RSRC1: variants seen among roughly 807,000 people sequenced by gnomAD.
The protein encoded by RSRC1 is arginine and serine rich coiled-coil 1, also known as serine/Arginine-related protein 53.
In RSRC1, 39 loss-of-function variants were observed where a neutral mutation model predicts 49.1. The observed-to-expected ratio is 0.79, with a 90% confidence interval of 0.61 to 1.04. The LOEUF (loss-of-function observed/expected upper bound fraction) is 1.04, where lower values mean the gene tolerates loss of function less well. RSRC1 is among the 50% of genes least tolerant of loss of function. The pLI, the probability that RSRC1 is intolerant of heterozygous loss-of-function variation, is 0.00. For synonymous variants in RSRC1, 143 were observed against 130.8 expected (o/e 1.09, Z -0.63); for missense variants, 388 against 402.4 (o/e 0.96, Z 0.31).
chr3:158,178,096 AT>A (rs1447594830), intron 3 of RSRC1, among the ~76,000 whole-genome samples: 1 of 151,620 alleles, frequency 6.6e-6, no homozygotes, highest in Non-Finnish European at 1.5e-5. Context: ...TTCTGTTTTC[AT>A]TCCTGTTGTT....
chr3:158,361,672 A>G (rs1199280344), intron 6 of RSRC1, among the ~76,000 whole-genome samples: 1 of 152,212 alleles, frequency 6.6e-6, no homozygotes, highest in Non-Finnish European at 1.5e-5. Context: ...CTAAAGTTCT[A>G]TATGGTAGAT....
intron 5 of RSRC1, among the ~76,000 whole-genome samples, chr3:158,307,107 C>G (rs1201415202): frequency 6.6e-6 from 1 of 150,796 alleles, no homozygotes; most frequent in Non-Finnish European, 1.5e-5. Flanking sequence ...GGTGACTTCT[C>G]TTCTATGATC....
intron 7 of RSRC1, among the ~76,000 whole-genome samples, chr3:158,524,849 A>G (rs1711910983): frequency 1.3e-5 from 2 of 152,014 alleles, no homozygotes; most frequent in Admixed American, 6.6e-5. Context: ...TTACTGAGGA[A>G]AAGAAACATT....
intron 6 of RSRC1, among the ~76,000 whole-genome samples, chr3:158,358,169 T>C (rs1731262587): frequency 6.6e-6 from 1 of 152,118 alleles, no homozygotes; most frequent in South Asian, 2.1e-4. Context: ...TAAATTTGAG[T>C]CTGAGATTTT....
chr3:158,479,516 C>G (rs926658799), intron 7 of RSRC1, among the ~76,000 whole-genome samples: 2 of 151,944 alleles, frequency 1.3e-5, no homozygotes, highest in Non-Finnish European at 2.9e-5. Context: ...GTTTTCAAGA[C>G]ATCCAATAAA....
chr3:158,426,680 A>G (rs935789161), intron 6 of RSRC1, among the ~76,000 whole-genome samples: 12 of 151,778 alleles, frequency 7.9e-5, no homozygotes, highest in African/African-American at 2.9e-4. Context: ...GATCCAATGA[A>G]TATAGTGAGA....
intron 7 of RSRC1, among the ~76,000 whole-genome samples, chr3:158,507,344 AAT>A: frequency 6.6e-6 from 1 of 152,244 alleles, no homozygotes; most frequent in Admixed American, 6.5e-5. Context: ...AATTAACTAT[AAT>A]ATTTATTATA....
intron 4 of RSRC1, among the ~76,000 whole-genome samples, chr3:158,234,404 CT>C (rs1436883731): frequency 3.9e-5 from 6 of 152,094 alleles, no homozygotes; most frequent in African/African-American, 1.4e-4. Flanking sequence ...AGGTCTCTAA[CT>C]GAAGATATAT....
intron 6 of RSRC1, among the ~76,000 whole-genome samples, chr3:158,407,828 C>A (rs1734233204): frequency 6.6e-6 from 1 of 152,048 alleles, no homozygotes; most frequent in African/African-American, 2.4e-5. Context: ...TTAAGAAATC[C>A]TAAAGTAATT....
At position 158,522,307 on chromosome 3, in the gene RSRC1, CT is replaced by C. The variant is rs541607066; in HGVS notation, c.653-14776del. The stretch of plus-strand genomic sequence containing the variant: ...ACAAAAACACACAAGGCCTACTTTA[CT>C]TTTTTTTTCTCCCCTTTGAGACAGG... On this transcript the variant is annotated intron_variant, in intron 7 of 9. Coordinates refer to ENST00000611884, the MANE Select transcript of RSRC1 (RefSeq NM_001271838.2). Among the ~76,000 whole-genome samples the C allele has an allele frequency of 3.1e-4, 47 of 151,636 alleles. 1 individual carries two copies. The South Asian group carries it at 4.0e-3, about 13-fold the overall frequency.
At chr3:158,423,503 G>T (rs769748293) in intron 6 of RSRC1, among the ~76,000 whole-genome samples, 5 of 152,182 alleles carry the variant, frequency 3.3e-5, no homozygotes, top group Non-Finnish European at 7.3e-5. Flanking sequence ...TTTGAAGTCA[G>T]GTAGTGTGGA....
intron 7 of RSRC1, among the ~76,000 whole-genome samples, chr3:158,511,391 C>T (rs12487933): frequency 0.21 from 31,613 of 151,940 alleles, 4,121 homozygotes; most frequent in African/African-American, 0.37. Context: ...TTTGTTCTTG[C>T]GATAGTTTAC....
At chr3:158,149,708 G>A (rs977387618) in intron 3 of RSRC1, among the ~76,000 whole-genome samples, 1 of 152,078 alleles carries the variant, frequency 6.6e-6, no homozygotes, top group African/African-American at 2.4e-5. Context: ...TCCAACTCTG[G>A]TTGAAACCAA....
chr3:158,302,235 G>C (rs1180245413), intron 5 of RSRC1, among the ~76,000 whole-genome samples: 1 of 152,038 alleles, frequency 6.6e-6, no homozygotes, highest in South Asian at 2.1e-4. Context: ...ATAGCTAACA[G>C]CACAACAGGT....
At chr3:158,252,896 T>A (rs543408249) in intron 4 of RSRC1, among the ~76,000 whole-genome samples, 1 of 152,292 alleles carries the variant, frequency 6.6e-6, no homozygotes, top group Admixed American at 6.5e-5. Context: ...TAGCCTTTAT[T>A]GATCCTTTAA....
chr3:158,130,926 T>C (rs1322654606), intron 3 of RSRC1, among the ~76,000 whole-genome samples: 9 of 152,170 alleles, frequency 5.9e-5, no homozygotes, highest in Non-Finnish European at 2.9e-5. Flanking sequence ...ATGAAAACAA[T>C]TAATTACCTG....
At chr3:158,511,116 T>TG in intron 7 of RSRC1, among the ~76,000 whole-genome samples, 1 of 152,082 alleles carries the variant, frequency 6.6e-6, no homozygotes, top group East Asian at 1.9e-4. Flanking sequence ...TGGTTTTTTT[T>TG]TTATTATACC....
At chr3:158,475,339 G>A (rs1254554689) in intron 7 of RSRC1, among the ~76,000 whole-genome samples, 1 of 152,162 alleles carries the variant, frequency 6.6e-6, no homozygotes, top group East Asian at 1.9e-4. Context: ...GCACATTCTA[G>A]TGGAAAGAGA....
At chr3:158,412,146 T>C (rs1248482155) in intron 6 of RSRC1, among the ~76,000 whole-genome samples, 1 of 152,300 alleles carries the variant, frequency 6.6e-6, no homozygotes, top group Non-Finnish European at 1.5e-5. Context: ...ATTTGTTTTT[T>C]TCTTTTTTTA....
Sources: gnomAD v4.1 joint callset for allele counts (sites outside exome capture counted in the v4.1 genomes callset) on GRCh38, gnomAD v4.1.1 for gene constraint, MANE v1.5 for transcripts, NCBI Gene and HGNC (gene_info 2026-07-23, HGNC 2026-07-21) for gene names.